The following CTPS2 variants were observed in gnomAD, a reference collection of about 807,000 sequenced individuals.
The protein encoded by CTPS2 is CTP synthase 2.
Under a neutral mutation model 46.8 loss-of-function variants are expected in CTPS2, and 19 were observed. That is an observed-to-expected ratio of 0.41 (90% confidence interval 0.28 to 0.60). The LOEUF (loss-of-function observed/expected upper bound fraction) is 0.60, where lower values mean the gene tolerates loss of function less well. CTPS2 is among the 20% of genes least tolerant of loss of function. The pLI is 0.35. For synonymous variants in CTPS2, 151 were observed against 165.2 expected (o/e 0.91, Z 0.66); for missense variants, 286 against 447.6 (o/e 0.64, Z 3.26).
intron 17 of CTPS2, among the ~76,000 whole-genome samples, chrX:16,596,421 C>T (rs1391788955): frequency 9.4e-6 from 1 of 106,126 alleles, no homozygotes; most frequent in Non-Finnish European, 1.9e-5. Context: ...AATTTCCCAC[C>T]TATGAGTGAG....
At chrX:16,661,408 A>C (rs757923415) in intron 13 of CTPS2, among the ~76,000 whole-genome samples, 3 of 112,407 alleles carry the variant, frequency 2.7e-5, no homozygotes, top group Non-Finnish European at 3.7e-5. Context: ...AGTAATCAAA[A>C]TTGCCTAAAA....
intron 14 of CTPS2, among the ~76,000 whole-genome samples, chrX:16,630,258 T>C (rs758508652): frequency 9.6e-6 from 1 of 104,467 alleles, no homozygotes; most frequent in Non-Finnish European, 2.0e-5. Context: ...TGTATTTTTT[T>C]TTTTTTTTTT....
intron 14 of CTPS2, among the ~76,000 whole-genome samples, chrX:16,624,225 T>C (rs1018905087): frequency 8.9e-5 from 10 of 112,184 alleles, no homozygotes; most frequent in African/African-American, 3.2e-4. Flanking sequence ...TTCTATTTTA[T>C]GCATTCAAAA....
At chrX:16,642,644 C>G (rs1030913042) in intron 13 of CTPS2, among the ~76,000 whole-genome samples, 1 of 111,952 alleles carries the variant, frequency 8.9e-6, no homozygotes, top group African/African-American at 3.2e-5. Context: ...ATCCTACAAG[C>G]TGGATCCTAC....
rs1024079337 is a variant in CTPS2, at chrX:16,660,462, C to T, written c.1296+7052G>A. Among the ~76,000 whole-genome samples the T allele has an allele frequency of 8.2e-5, 9 of 110,380 alleles. No homozygotes were observed. In the East Asian group the frequency reaches 8.5e-4, roughly 10 times the overall value. On this transcript the variant is annotated intron_variant, in intron 13 of 18. Transcript: ENST00000359276. ...CTGTCACCAGGCTGGAGTGCAGTGA[C>T]GCAATCTCAGCTCACTGCAACCTCC... is the stretch of plus-strand genomic sequence containing the variant.
At chrX:16,636,320 A>G (rs1931744310) in intron 14 of CTPS2, among the ~76,000 whole-genome samples, 1 of 111,436 alleles carries the variant, frequency 9.0e-6, no homozygotes, top group Non-Finnish European at 1.9e-5. Flanking sequence ...GCTTAAACCC[A>G]GGAGGTGAAG....
chrX:16,699,240 A>G (rs1924370691), intron 2 of CTPS2, 147 bp from the exon 3 acceptor site: 1 of 373,706 alleles, frequency 2.7e-6, no homozygotes, highest in Admixed American at 5.7e-5. Context: ...GATATTAACA[A>G]TTCAATTATA....
intron 14 of CTPS2, among the ~76,000 whole-genome samples, chrX:16,636,382 G>A (rs1166739099): frequency 9.1e-6 from 1 of 109,866 alleles, no homozygotes; most frequent in African/African-American, 3.3e-5. Context: ...GCAACAGAGT[G>A]AGACTATCTC....
rs1352779165 is a variant in CTPS2, at chrX:16,598,927, C to T, written c.1692-8065G>A. Among the ~76,000 whole-genome samples, 3 of 111,684 alleles carry T rather than the reference C, an allele frequency of 2.7e-5. No individual in the cohort carries two copies. The Admixed American group carries it at 2.9e-4, about 11-fold the overall frequency. On this transcript the variant is annotated intron_variant, in intron 17 of 18. Transcript: ENST00000359276. The stretch of plus-strand genomic sequence containing the variant: ...ATATACGCAAATCAATAAATGTAAT[C>T]CAGCATATAAACAGAACCAAAGACA...
At position 16,624,133 on chromosome X, in the gene CTPS2, G is replaced by T. The variant is rs139959576; in HGVS notation, c.1394-3801C>A. Among the ~76,000 whole-genome samples, 3 of 110,353 alleles carry T rather than the reference G, an allele frequency of 2.7e-5. No homozygotes were observed. In the South Asian group the frequency reaches 1.1e-3, roughly 42 times the overall value. Reference sequence around the variant, plus strand: ...AGACCAGCACCTAGCAGATAAGCAGGTACTCAATAATGAATTGTTGAATGA... The same window carrying T: ...AGACCAGCACCTAGCAGATAAGCAGTTACTCAATAATGAATTGTTGAATGA... On this transcript the variant is annotated intron_variant, in intron 14 of 18. Coordinates refer to ENST00000359276, the MANE Select transcript of CTPS2 (RefSeq NM_175859.3).
At chrX:16,675,236 C>T (rs1922172547) in intron 10 of CTPS2, among the ~76,000 whole-genome samples, 1 of 106,266 alleles carries the variant, frequency 9.4e-6, no homozygotes, top group Admixed American at 1.0e-4. Flanking sequence ...CCACTGCACT[C>T]CAGCCTCGGT....
chrX:16,667,102 C>T (rs1157385983), intron 13 of CTPS2, among the ~76,000 whole-genome samples: 1 of 104,452 alleles, frequency 9.6e-6, no homozygotes, highest in Non-Finnish European at 1.9e-5. Flanking sequence ...TGTTCTGGTG[C>T]TGTAAAGAAA....
intron 16 of CTPS2, 142 bp downstream of exon 16, chrX:16,617,008 T>C (rs773022933): frequency 6.6e-6 from 3 of 455,198 alleles, no homozygotes; most frequent in South Asian, 3.7e-5. Context: ...AGTCTGTTTT[T>C]TTCATGTACT....
intron 8 of CTPS2, among the ~76,000 whole-genome samples, chrX:16,688,796 G>C (rs950842872): frequency 9.0e-6 from 1 of 111,052 alleles, no homozygotes; most frequent in Non-Finnish European, 1.9e-5. Context: ...AACCTGTGAA[G>C]TTTAAAACTG....
intron 17 of CTPS2, 59 bp downstream of exon 17, chrX:16,609,482 C>T: frequency 8.9e-7 from 1 of 1,121,285 alleles, no homozygotes; most frequent in Non-Finnish European, 1.2e-6. Flanking sequence ...TTGTAAGAAA[C>T]CCTAAGATAT....
chrX:16,695,504 T>C (rs1267428658), intron 4 of CTPS2, among the ~76,000 whole-genome samples: 1 of 112,452 alleles, frequency 8.9e-6, no homozygotes, highest in African/African-American at 3.2e-5. Context: ...GTTTTTGCCT[T>C]TGTCTTTAAT....
At chrX:16,595,847 A>T (rs1244520640) in intron 17 of CTPS2, among the ~76,000 whole-genome samples, 4 of 111,327 alleles carry the variant, frequency 3.6e-5, no homozygotes, top group Non-Finnish European at 7.6e-5. Flanking sequence ...TACAGTCACC[A>T]TGCAATGGTC....
intron 13 of CTPS2, among the ~76,000 whole-genome samples, chrX:16,666,830 C>T (rs1921228357): frequency 9.0e-6 from 1 of 111,387 alleles, no homozygotes; most frequent in Non-Finnish European, 1.9e-5. Context: ...GAATCACTGT[C>T]GCTTTTGTTT....
At chrX:16,616,078 C>T (rs940657002) in intron 16 of CTPS2, among the ~76,000 whole-genome samples, 14 of 111,953 alleles carry the variant, frequency 1.3e-4, no homozygotes, top group Middle Eastern at 4.6e-3. Flanking sequence ...GCAGGCTGGA[C>T]GTGGTGCACA....
Sources: allele counts gnomAD v4.1 joint callset (sites outside exome capture counted in the v4.1 genomes callset), GRCh38; gene constraint gnomAD v4.1.1; transcripts MANE v1.5; gene names NCBI Gene and HGNC (gene_info 2026-07-23, HGNC 2026-07-21).